The following CNTNAP2 variants were observed in gnomAD, a reference collection of about 807,000 sequenced individuals.
CNTNAP2 encodes contactin-associated protein-like 2.
Under a neutral mutation model 155.2 loss-of-function variants are expected in CNTNAP2, and 98 were observed. That is an observed-to-expected ratio of 0.63 (90% CI 0.54 to 0.75). CNTNAP2 has a LOEUF of 0.75. Among genes scored for constraint, CNTNAP2 ranks in the 30% least tolerant of loss-of-function variants. The pLI is 0.00. For synonymous variants in CNTNAP2, 651 were observed against 631.2 expected (o/e 1.03, Z -0.47); for missense variants, 1,727 against 1,688.1 (o/e 1.02, Z -0.40).
intron 17 of CNTNAP2, among the ~76,000 whole-genome samples, chr7:148,165,870 A>G (rs1020674702): frequency 2.0e-5 from 3 of 152,118 alleles, no homozygotes; most frequent in African/African-American, 4.8e-5. Context: ...GGCTTTCCTG[A>G]CGCCTTTCAC....
chr7:146,646,577 A>G (rs1469862501), intron 1 of CNTNAP2, among the ~76,000 whole-genome samples: 1 of 152,188 alleles, frequency 6.6e-6, no homozygotes, highest in Non-Finnish European at 1.5e-5. Context: ...TGAGGAAGCT[A>G]ATTCATCCTT....
intron 14 of CNTNAP2, among the ~76,000 whole-genome samples, chr7:147,908,621 C>A (rs528867882): frequency 4.6e-4 from 70 of 152,280 alleles, no homozygotes; most frequent in African/African-American, 1.6e-3. Context: ...CATTGCTGTT[C>A]AGTTTTTTTG....
chr7:147,620,743 A>T (rs1193039651), intron 12 of CNTNAP2, among the ~76,000 whole-genome samples: 1 of 152,100 alleles, frequency 6.6e-6, no homozygotes, highest in African/African-American at 2.4e-5. Flanking sequence ...CATCTACAGG[A>T]TCTAGAAAAT....
chr7:147,595,796 T>C (rs147424898), intron 12 of CNTNAP2, among the ~76,000 whole-genome samples: 80 of 152,250 alleles, frequency 5.3e-4, no homozygotes, highest in Middle Eastern at 3.4e-3. Flanking sequence ...AGTAGAGAGG[T>C]TGGTGACTAT....
At chr7:147,120,866 A>T (rs928772310) in intron 5 of CNTNAP2, 113 bp from the exon 6 acceptor site, 1 of 967,924 alleles carries the variant, frequency 1.0e-6, no homozygotes, top group African/African-American at 1.6e-5. Flanking sequence ...ACTCGAATGG[A>T]TAGAGCTTTG....
intron 1 of CNTNAP2, among the ~76,000 whole-genome samples, chr7:146,610,234 A>G (rs1419634690): frequency 1.3e-5 from 2 of 152,170 alleles, no homozygotes; most frequent in Non-Finnish European, 2.9e-5. Flanking sequence ...TATTAGGATT[A>G]TTCTCGTGTA....
intron 1 of CNTNAP2, among the ~76,000 whole-genome samples, chr7:146,650,084 C>T (rs1440756142): frequency 6.6e-6 from 1 of 151,994 alleles, no homozygotes; most frequent in Non-Finnish European, 1.5e-5. Context: ...TTTAGTTACA[C>T]CATTGTTGGT....
intron 1 of CNTNAP2, among the ~76,000 whole-genome samples, chr7:146,358,595 AG>A (rs1292098326): frequency 6.6e-6 from 1 of 152,224 alleles, no homozygotes; most frequent in Admixed American, 6.5e-5. Context: ...GGTTGAGGAA[AG>A]ATCGTATTAA....
intron 8 of CNTNAP2, among the ~76,000 whole-genome samples, chr7:147,221,638 T>C (rs1293259187): frequency 6.6e-6 from 1 of 152,182 alleles, no homozygotes; most frequent in African/African-American, 2.4e-5. Flanking sequence ...GAAAAGAAGT[T>C]AAGAAAAAAT....
At chr7:146,705,918 T>G (rs1466638388) in intron 1 of CNTNAP2, among the ~76,000 whole-genome samples, 1 of 152,110 alleles carries the variant, frequency 6.6e-6, no homozygotes, top group African/African-American at 2.4e-5. Flanking sequence ...AGGATTAGGA[T>G]TTTAGGTTAG....
At chr7:146,856,331 TACATACATACATAGGC>T (rs1170874732) in intron 3 of CNTNAP2, among the ~76,000 whole-genome samples, 2 of 150,944 alleles carry the variant, frequency 1.3e-5, no homozygotes, top group African/African-American at 4.9e-5. Context: ...CATACATACA[TACATACATACATAGGC>T]AGGCAATAGA....
chr7:147,528,596 T>C (rs1341059779), intron 11 of CNTNAP2, among the ~76,000 whole-genome samples: 1 of 152,206 alleles, frequency 6.6e-6, no homozygotes, highest in East Asian at 1.9e-4. Flanking sequence ...TTTTCTGTTT[T>C]TCTTGTACAT....
intron 11 of CNTNAP2, among the ~76,000 whole-genome samples, chr7:147,524,276 G>A (rs998911261): frequency 6.6e-6 from 1 of 152,132 alleles, no homozygotes; most frequent in Non-Finnish European, 1.5e-5. Context: ...TGTAATCCCA[G>A]CTACTCGGGT....
chr7:147,872,122 G>C, intron 13 of CNTNAP2, among the ~76,000 whole-genome samples: 1 of 152,120 alleles, frequency 6.6e-6, no homozygotes, highest in South Asian at 2.1e-4. Flanking sequence ...AGAGAAACCT[G>C]CCCACCCTGT....
chr7:146,374,811 G>A (rs6947836), intron 1 of CNTNAP2, among the ~76,000 whole-genome samples: 5,084 of 152,188 alleles, frequency 0.033, 289 homozygotes, highest in African/African-American at 0.12. Flanking sequence ...TATTTTAAGC[G>A]TCTTTTCAAC....
intron 21 of CNTNAP2, among the ~76,000 whole-genome samples, chr7:148,361,063 C>T (rs1386043486): frequency 3.3e-5 from 5 of 152,168 alleles, no homozygotes; most frequent in African/African-American, 4.8e-5. Context: ...CCACCTCAAC[C>T]TCTCAAAATG....
At chr7:147,694,973 G>C (rs930497803) in intron 13 of CNTNAP2, among the ~76,000 whole-genome samples, 2 of 151,884 alleles carry the variant, frequency 1.3e-5, no homozygotes, top group African/African-American at 4.8e-5. Context: ...TATGCATTTA[G>C]TGTTACAATT....
chr7:147,037,444 T>G (rs1175764865), intron 3 of CNTNAP2, among the ~76,000 whole-genome samples: 50 of 124,210 alleles, frequency 4.0e-4, no homozygotes, highest in Non-Finnish European at 3.5e-4. Flanking sequence ...CCAGTTTTGT[T>G]TTTTTTTTCC....
intron 8 of CNTNAP2, among the ~76,000 whole-genome samples, chr7:147,173,297 A>G (rs753287568): frequency 6.6e-6 from 1 of 151,660 alleles, no homozygotes. Context: ...TTTTTTTTTA[A>G]CAAATCCTTT....
Sources: gnomAD v4.1 joint callset for allele counts (sites outside exome capture counted in the v4.1 genomes callset) on GRCh38, gnomAD v4.1.1 for gene constraint, MANE v1.5 for transcripts, NCBI Gene and HGNC (gene_info 2026-07-23, HGNC 2026-07-21) for gene names.